CEP44: variants seen among roughly 807,000 people sequenced by gnomAD.
CEP44 encodes centrosomal protein of 44 kDa.
In CEP44, 45 loss-of-function variants were observed where a neutral mutation model predicts 46.7. That is an observed-to-expected ratio of 0.96 (90% confidence interval 0.76 to 1.24). The LOEUF (loss-of-function observed/expected upper bound fraction) is 1.24, where lower values mean the gene tolerates loss of function less well. Among genes scored for constraint, CEP44 ranks in the 50% most tolerant of loss-of-function variants. The pLI, the probability that CEP44 is intolerant of heterozygous loss-of-function variation, is 0.00. For missense variants in CEP44, 475 were observed against 459.7 expected, an observed-to-expected ratio of 1.03 and a Z score of -0.30; for synonymous variants, 142 against 146.0, an observed-to-expected ratio of 0.97 and a Z score of 0.20.
rs189005937 is a variant in CEP44 at position 174,290,473 on chromosome 4, T to C, written c.-148+6530T>C. ...TTGTGACCTAGGCTGTGATCAGTTA[T>C]AGAGAATGTTTCATGTCCTTTTGAG... On this transcript the variant is annotated intron_variant, in intron 1 of 11. Coordinates refer to ENST00000503780, the MANE Select transcript of CEP44 (RefSeq NM_001040157.3). This position sits in a 1 kb window ranked among gnomAD's most constrained non-coding sequence, Gnocchi z 4.3. Among the ~76,000 whole-genome samples the C allele has an allele frequency of 2.2e-4, 26 of 118,664 alleles. No homozygotes were observed. Among genetic ancestry groups the C allele is most frequent in the Non-Finnish European group, 3.8e-4 (18 of 47,006 alleles). The allele number at this position is 118,664 out of a possible 152,430, so 77.8% of individuals were successfully genotyped here. A position where few individuals can be genotyped will look rare whatever the true frequency, so the allele number is the denominator to read the frequency against.
At chr4:174,299,879 C>A (rs1398344146) in intron 3 of CEP44, among the ~76,000 whole-genome samples, 7 of 152,094 alleles carry the variant, frequency 4.6e-5, no homozygotes, top group African/African-American at 1.4e-4. Context: ...ATTCTGTATC[C>A]CTTCATAATT....
intron 1 of CEP44, among the ~76,000 whole-genome samples, chr4:174,294,618 G>A (rs1323600750): frequency 4.6e-5 from 7 of 151,804 alleles, no homozygotes; most frequent in Non-Finnish European, 8.8e-5. Context: ...CAGTAGGGGC[G>A]GCCGGGCAGA....
Position 174,297,481 on chromosome 4 carries a change from T to C in CEP44, c.-147-485T>C, listed in dbSNP as rs1273680726. On this transcript the variant is annotated intron_variant, in intron 1 of 11. Coordinates refer to ENST00000503780, the MANE Select transcript of CEP44 (RefSeq NM_001040157.3). This position sits in a 1 kb window ranked among gnomAD's most constrained non-coding sequence, Gnocchi z 4.3. Reference sequence around the variant, plus strand: ...AATAAGTGAGTTTGCTGCAGGTTTATTGGGCAAGACCTGCCCTTTTCAATG... The same window carrying C: ...AATAAGTGAGTTTGCTGCAGGTTTACTGGGCAAGACCTGCCCTTTTCAATG... 6.6e-6 allele frequency among the ~76,000 whole-genome samples: 1 copy of C among 152,204 alleles called. No homozygotes were observed. The highest frequency in any genetic ancestry group is 2.4e-5 in the African/African-American group (1 of 41,454).
intron 4 of CEP44, 82 bp downstream of exon 4, chr4:174,302,268 A>G: frequency 3.7e-6 from 3 of 800,046 alleles, no homozygotes; most frequent in South Asian, 1.6e-5. Context: ...CTTCTTAAAT[A>G]TATGCAGCAT....
At chr4:174,300,521 G>A (rs1739591312) in intron 3 of CEP44, among the ~76,000 whole-genome samples, 1 of 151,938 alleles carries the variant, frequency 6.6e-6, no homozygotes, top group African/African-American at 2.4e-5. Context: ...GTATTATCTT[G>A]TTTTCTAAAT....
chr4:174,296,637 G>T (rs1270317632), intron 1 of CEP44, among the ~76,000 whole-genome samples: 1 of 151,958 alleles, frequency 6.6e-6, no homozygotes, highest in Non-Finnish European at 1.5e-5. Context: ...TGACGCCAAA[G>T]ATAGTCTATC....
At chr4:174,328,399 G>A (rs1042927011) in intron 8 of CEP44, among the ~76,000 whole-genome samples, 2 of 152,218 alleles carry the variant, frequency 1.3e-5, no homozygotes, top group East Asian at 1.9e-4. Flanking sequence ...GTTTTTCTAA[G>A]AAATAAATTT....
Position 174,309,466 on chromosome 4 carries a change from A to G in CEP44, c.679-384A>G, listed in dbSNP as rs1322536244. On this transcript the variant is annotated intron_variant, in intron 7 of 11. Transcript: ENST00000503780. The surrounding 1 kb of genome is among the most constrained non-coding windows in gnomAD (Gnocchi z 5.3). Reference sequence around the variant, plus strand: ...TTCCTGTTATATGGCAAACCGAACAATCTCAATGCACTAAGTGTTGTTTTT... The same window carrying G: ...TTCCTGTTATATGGCAAACCGAACAGTCTCAATGCACTAAGTGTTGTTTTT... Among the ~76,000 whole-genome samples, 1 of 152,008 alleles carries G rather than the reference A, an allele frequency of 6.6e-6. No individual in the cohort carries two copies. Among genetic ancestry groups the G allele is most frequent in the Non-Finnish European group, 1.5e-5 (1 of 67,942 alleles).
intron 1 of CEP44, among the ~76,000 whole-genome samples, chr4:174,293,298 T>C (rs1738452187): frequency 6.6e-6 from 1 of 152,190 alleles, no homozygotes; most frequent in Non-Finnish European, 1.5e-5. Context: ...TACTGGGGCA[T>C]GATTCTGCCT....
At chr4:174,291,284 T>G (rs1738167829) in intron 1 of CEP44, among the ~76,000 whole-genome samples, 1 of 152,086 alleles carries the variant, frequency 6.6e-6, no homozygotes, top group African/African-American at 2.4e-5. Context: ...TTTTTTCTTT[T>G]TTTTGTTTAT....
intron 2 of CEP44, among the ~76,000 whole-genome samples, chr4:174,298,456 TG>T (rs1326233323): frequency 6.6e-6 from 1 of 152,194 alleles, no homozygotes; most frequent in African/African-American, 2.4e-5. Flanking sequence ...ATTACAGGCG[TG>T]AGCCACCGCG....
intron 8 of CEP44, among the ~76,000 whole-genome samples, chr4:174,330,072 C>T (rs1181212053): frequency 6.6e-6 from 1 of 152,098 alleles, no homozygotes; most frequent in Non-Finnish European, 1.5e-5. Flanking sequence ...ATTTTATTGT[C>T]ATTAAAATTT....
In CEP44 at chr4:174,290,156, TTTC is replaced by T. The variant is rs1738027985; in HGVS notation, c.-148+6222_-148+6224del. Among the ~76,000 whole-genome samples, 7 of 152,158 alleles carry T rather than the reference TTTC, an allele frequency of 4.6e-5. No homozygotes were observed. Among genetic ancestry groups the T allele is most frequent in the Admixed American group, 4.6e-4 (7 of 15,278 alleles). ...GGCGTGAGCCACTGTGTCCTGCCTCTTTCTTCTTCTTAATGAATTTATTGCTAT... is the reference window on the plus strand; with the variant it reads ...GGCGTGAGCCACTGTGTCCTGCCTCTTTCTTCTTAATGAATTTATTGCTAT... On this transcript the variant is annotated intron_variant, in intron 1 of 11. Coordinates refer to ENST00000503780, the MANE Select transcript of CEP44 (RefSeq NM_001040157.3). This position sits in a 1 kb window ranked among gnomAD's most constrained non-coding sequence, Gnocchi z 4.3.
At position 174,290,500 on chromosome 4, in the gene CEP44, A is replaced by G. The variant is rs1738074707; in HGVS notation, c.-148+6557A>G. 6.6e-6 allele frequency among the ~76,000 whole-genome samples: 1 copy of G among 151,874 alleles called. No homozygotes were observed. Among genetic ancestry groups the G allele is most frequent in the African/African-American group, 2.4e-5 (1 of 41,408 alleles). ...GAGAATGTTTCATGTCCTTTTGAGAAGAATGATTATTTTGCTATGGTTGGG... is the reference window on the plus strand; with the variant it reads ...GAGAATGTTTCATGTCCTTTTGAGAGGAATGATTATTTTGCTATGGTTGGG... On this transcript the variant is annotated intron_variant, in intron 1 of 11. Transcript: ENST00000503780. This position sits in a 1 kb window ranked among gnomAD's most constrained non-coding sequence, Gnocchi z 4.3.
chr4:174,316,243 C>T lies in CEP44; in HGVS notation c.1039C>T (p.Pro347Ser). The T allele has an allele frequency of 6.2e-7, 1 of 1,612,254 alleles. No homozygotes were observed. Residue 347 changes from proline (P) to serine (S), a missense_variant, in exon 10 of 12, where the codon CCC (proline) becomes TCC (serine). Physicochemically the swap from Pro to Ser is moderately conservative, Grantham distance 74 (BLOSUM62 -1). Coordinates refer to ENST00000503780, the MANE Select transcript of CEP44 (RefSeq NM_001040157.3). ...TAGTACAGCATCATCAGATTCAACT[C>T]CCAGAGCCTCTACTGTTAATTACTG... ...GYSTASSDST[P>S]RASTVNYCGL...
chr4:174,328,238 T>A (rs1208863909), intron 8 of CEP44, among the ~76,000 whole-genome samples: 1 of 152,158 alleles, frequency 6.6e-6, no homozygotes, highest in Non-Finnish European at 1.5e-5. Context: ...ATCTAAGTTG[T>A]GGCCATGTGG....
rs571159283 is a variant in CEP44, at chr4:174,326,547, A to G, written c.1087-4935A>G. Among the ~76,000 whole-genome samples, 1 of 152,126 alleles carries G rather than the reference A, an allele frequency of 6.6e-6. No individual in the cohort carries two copies. The highest frequency in any genetic ancestry group is 2.4e-5 in the African/African-American group (1 of 41,550). On this transcript the variant is annotated intron_variant, in intron 8 of 8. Coordinates refer to the CEP44 transcript ENST00000426172. This position sits in a 1 kb window ranked among gnomAD's most constrained non-coding sequence, Gnocchi z 4.8. Reference sequence around the variant, plus strand: ...ATTATCTTTTTAAAAGGTTTAAATAATTTTTTAAAAGTCTTTTATATGTGC... The same window carrying G: ...ATTATCTTTTTAAAAGGTTTAAATAGTTTTTTAAAAGTCTTTTATATGTGC...
In CEP44 at chr4:174,286,423, A is replaced by G. The variant is rs1317679555; in HGVS notation, c.-148+2480A>G. On this transcript the variant is annotated intron_variant, in intron 1 of 11. Transcript: ENST00000503780. The surrounding 1 kb of genome is among the most constrained non-coding windows in gnomAD (Gnocchi z 5.2). ...TATGAATTGTTCTGTTTTCATTTTAATATAATGACTTCATTTTAATGTGAT... is the reference window on the plus strand; with the variant it reads ...TATGAATTGTTCTGTTTTCATTTTAGTATAATGACTTCATTTTAATGTGAT... Among the ~76,000 whole-genome samples the G allele has an allele frequency of 6.6e-6, 1 of 152,238 alleles. No homozygotes were observed. Among genetic ancestry groups the G allele is most frequent in the Non-Finnish European group, 1.5e-5 (1 of 68,038 alleles).
chr4:174,294,185 C>T (rs1255277593), intron 1 of CEP44, among the ~76,000 whole-genome samples: 1 of 151,036 alleles, frequency 6.6e-6, no homozygotes, highest in African/African-American at 2.4e-5. Context: ...GCAGAGGACC[C>T]TGCGGCCTTC....
Sources: allele counts gnomAD v4.1 joint callset (sites outside exome capture counted in the v4.1 genomes callset), GRCh38; gene constraint gnomAD v4.1.1; non-coding constraint Gnocchi (gnomAD v3.1); transcripts MANE v1.5; gene names NCBI Gene and HGNC (gene_info 2026-07-23, HGNC 2026-07-21).